Variants in TAAR1 observed in about 807,000 individuals in gnomAD.
TAAR1 encodes trace amine associated receptor 1.
A neutral mutation model predicts 1.2 loss-of-function variants in TAAR1; 1 was observed. That is an observed-to-expected ratio of 0.81 (90% CI 0.29 to 3.86). TAAR1 has a LOEUF of 3.86. Among genes scored for constraint, TAAR1 ranks in the 30% most tolerant of loss-of-function variants. The pLI is 0.18. For synonymous variants in TAAR1, 153 were observed against 132.2 expected, an observed-to-expected ratio of 1.16 and a Z score of -1.08; for missense variants, 445 against 405.6, an observed-to-expected ratio of 1.10 and a Z score of -0.83.
rs566628143 is a variant in TAAR1, at chr6:132,655,649, T to C, written c.-127+3481A>G. On this transcript the variant is annotated intron_variant, in intron 1 of 1. Coordinates refer to ENST00000275216, the MANE Select transcript of TAAR1 (RefSeq NM_138327.4). ...CAGAAGTAAGCCCCCACACCCGATCTGATTTGACTTTTCTAACAGTATCAC... is the reference window on the plus strand; with the variant it reads ...CAGAAGTAAGCCCCCACACCCGATCCGATTTGACTTTTCTAACAGTATCAC... 2.6e-5 allele frequency among the ~76,000 whole-genome samples: 4 copies of C among 152,246 alleles called. No individual in the cohort carries two copies. In the South Asian group the frequency reaches 8.3e-4, roughly 32 times the overall value.
In TAAR1 at chr6:132,645,683, G is replaced by A. The variant is rs1408167439; in HGVS notation, c.321C>T (p.Ser107=). ...KIHTSTDIML[S]SASIFHLSFI... ...AAGACAAATGGAAAATGGAGGCTGA[G>A]CTCAGCATAATGTCGGTGCTTGTGT... Residue 107 remains serine (S), a synonymous_variant, in exon 2 of 2, where the codon AGC becomes AGT. Coordinates refer to ENST00000275216, the MANE Select transcript of TAAR1 (RefSeq NM_138327.4). 1.2e-6 allele frequency: 2 copies of A among 1,613,632 alleles called. No homozygotes were observed. Among genetic ancestry groups the A allele is most frequent in the Non-Finnish European group, 1.7e-6 (2 of 1,179,814 alleles).
chr6:132,646,961 G>A (rs890748512), intron 1 of TAAR1, among the ~76,000 whole-genome samples: 3 of 152,046 alleles, frequency 2.0e-5, no homozygotes, highest in Non-Finnish European at 4.4e-5. Flanking sequence ...AATTTATGAT[G>A]TCTTAAATAA....
intron 1 of TAAR1, among the ~76,000 whole-genome samples, chr6:132,649,657 A>C (rs1473373039): frequency 2.6e-5 from 4 of 152,290 alleles, no homozygotes; most frequent in Admixed American, 2.6e-4. Flanking sequence ...AGCAAGGAGA[A>C]GTGCAGAGTG....
At chr6:132,657,549 A>G (rs1777819412) in intron 1 of TAAR1, among the ~76,000 whole-genome samples, 1 of 152,024 alleles carries the variant, frequency 6.6e-6, no homozygotes, top group South Asian at 2.1e-4. Context: ...ATGTATTCTA[A>G]AATATCATAT....
In TAAR1 at chr6:132,645,337, A is replaced by T. The variant is rs563118626; in HGVS notation, c.667T>A (p.Leu223Ile). 1.2e-6 allele frequency: 2 copies of T among 1,613,486 alleles called. No homozygotes were observed. Among genetic ancestry groups the T allele is most frequent in the Non-Finnish European group, 1.7e-6 (2 of 1,179,758 alleles). Residue 223 changes from leucine to isoleucine, a missense_variant, in exon 2 of 2, where the codon TTA (leucine) becomes ATA (isoleucine). By Grantham distance (5) the Leu-to-Ile change is conservative. Transcript: ENST00000275216. ...IYLIAKEQAR[L>I]ISDANQKLQI... The stretch of plus-strand genomic sequence containing the variant: ...AGCTTCTGATTGGCATCACTAATTA[A>T]TCTTGCCTGTTCTTTAGCGATAAGA...
chr6:132,655,460 G>A (rs924425502), intron 1 of TAAR1, among the ~76,000 whole-genome samples: 9 of 148,892 alleles, frequency 6.0e-5, no homozygotes, highest in African/African-American at 2.2e-4. Context: ...GTTCACTGCA[G>A]CCTCAATCTC....
chr6:132,645,130 A>T lies in TAAR1; in HGVS notation c.874T>A (p.Phe292Ile). Residue 292 changes from phenylalanine (F) to isoleucine (I), a missense_variant, in exon 2 of 2, where the codon TTT (phenylalanine) becomes ATT (isoleucine). By Grantham distance (21) the Phe-to-Ile change is conservative. Coordinates refer to ENST00000275216, the MANE Select transcript of TAAR1 (RefSeq NM_138327.4). ...TTAAATGTAGAGTTCAAGTAGCCAAACCAAATCAATACATCATTCAAAGTA... is the reference window on the plus strand; with the variant it reads ...TTAAATGTAGAGTTCAAGTAGCCAATCCAAATCAATACATCATTCAAAGTA... ...PPTLNDVLIW[F>I]GYLNSTFNPM... 1 of 1,613,282 alleles carries T rather than the reference A, an allele frequency of 6.2e-7. No individual in the cohort carries two copies. The highest frequency in any genetic ancestry group is 8.5e-7 in the Non-Finnish European group (1 of 1,179,622).
At chr6:132,655,062 G>A (rs1356648858) in intron 1 of TAAR1, among the ~76,000 whole-genome samples, 1 of 152,132 alleles carries the variant, frequency 6.6e-6, no homozygotes, top group Non-Finnish European at 1.5e-5. Flanking sequence ...AGCTAACAAT[G>A]AAAGTTCAGA....
At chr6:132,654,836 C>G (rs777762546) in intron 1 of TAAR1, among the ~76,000 whole-genome samples, 1 of 152,072 alleles carries the variant, frequency 6.6e-6, no homozygotes, top group Admixed American at 6.6e-5. Flanking sequence ...ATCGAATTCA[C>G]TTTAAAATAA....
At position 132,651,995 on chromosome 6, in the gene TAAR1, T is replaced by C. The variant is rs567882215; in HGVS notation, c.-126-5866A>G. Among the ~76,000 whole-genome samples the C allele has an allele frequency of 1.6e-4, 25 of 152,338 alleles. 1 individual carries two copies. Among genetic ancestry groups the C allele is most frequent in the Admixed American group, 8.5e-4 (13 of 15,306 alleles). ...TGATGTAATCCTACAGTAGTGTGTG[T>C]ATGTGAGGCTGCATTCTGCCCATCT... On this transcript the variant is annotated intron_variant, in intron 1 of 1. Coordinates refer to ENST00000275216, the MANE Select transcript of TAAR1 (RefSeq NM_138327.4).
intron 1 of TAAR1, among the ~76,000 whole-genome samples, chr6:132,648,543 G>A (rs555596830): frequency 2.0e-5 from 3 of 152,176 alleles, no homozygotes; most frequent in Non-Finnish European, 4.4e-5. Context: ...ACTGGTTTAA[G>A]AGACATCAAG....
In TAAR1 at chr6:132,645,491, T is replaced by C. The variant is rs1017750917; in HGVS notation, c.513A>G (p.Ile171Met). 1.9e-6 allele frequency: 3 copies of C among 1,613,796 alleles called. No homozygotes were observed. Among genetic ancestry groups the C allele is most frequent in the African/African-American group, 1.3e-5 (1 of 75,020 alleles). The part of the protein sequence containing the change: ...LELNFKGAEE[I>M]YYKHVHCRGG... The stretch of plus-strand genomic sequence containing the variant: ...CTCTGCAGTGAACATGTTTGTAATA[T>C]ATCTCTTCAGCGCCTTTGAAGTTTA... Residue 171 changes from isoleucine to methionine, a missense_variant, in exon 2 of 2, where the codon ATA (isoleucine) becomes ATG (methionine). By Grantham distance (10) the Ile-to-Met change is conservative. Coordinates refer to ENST00000275216, the MANE Select transcript of TAAR1 (RefSeq NM_138327.4).
rs1449072730 is a variant in TAAR1 at position 132,646,109 on chromosome 6, G to T, written c.-106C>A. On this transcript the variant is annotated 5_prime_UTR_variant, in exon 2 of 2. An upstream open reading frame in the 5' UTR gains an earlier in-frame stop. Transcript: ENST00000275216. ...TCCTTCTCATGTTTATTTTTTATTT[G>T]CACATACTTATCCCAGAAACCTAGG... The T allele has an allele frequency of 2.4e-6, 3 of 1,265,224 alleles. No individual in the cohort carries two copies. The highest frequency in any genetic ancestry group is 3.3e-6 in the Non-Finnish European group (3 of 921,330). The allele number at this position is 1,265,224 out of a possible 1,614,324, so 78.4% of individuals were successfully genotyped here.
At chr6:132,653,220 A>G (rs1036257141) in intron 1 of TAAR1, among the ~76,000 whole-genome samples, 5 of 152,158 alleles carry the variant, frequency 3.3e-5, no homozygotes, top group African/African-American at 1.2e-4. Context: ...AGTGGCCTGT[A>G]GTTGCAACAG....
chr6:132,648,688 A>C (rs1777714859), intron 1 of TAAR1, among the ~76,000 whole-genome samples: 1 of 152,318 alleles, frequency 6.6e-6, no homozygotes, highest in African/African-American at 2.4e-5. Flanking sequence ...GTTTTTGAAT[A>C]GATTTATTTG....
chr6:132,645,542 A>G lies in TAAR1; in HGVS notation c.462T>C (p.Phe154=), dbSNP rs1358747980. The G allele has an allele frequency of 1.2e-6, 2 of 1,613,602 alleles. No homozygotes were observed. Among genetic ancestry groups the G allele is most frequent in the South Asian group, 1.1e-5 (1 of 91,076 alleles). ...IFISWSVPAV[F]AFGMIFLELN... is the part of the protein sequence containing the mutation. ...GCTCCAGAAAGATCATTCCAAATGC[A>G]AAAACAGCAGGGACACTCCAACTAA... Residue 154 remains phenylalanine (F), a synonymous_variant, in exon 2 of 2, where the codon TTT becomes TTC. Coordinates refer to ENST00000275216, the MANE Select transcript of TAAR1 (RefSeq NM_138327.4).
chr6:132,647,660 GAAAGAAAGAAAGAAAGAA>G (rs1385217004), intron 1 of TAAR1, among the ~76,000 whole-genome samples: 4 of 146,332 alleles, frequency 2.7e-5, no homozygotes, highest in African/African-American at 1.0e-4. Context: ...AAGAAAGAAA[GAAAGAAAGAAAGAAAGAA>G]AGAAGAAAGA....
intron 1 of TAAR1, among the ~76,000 whole-genome samples, chr6:132,651,889 C>T (rs969238926): frequency 6.6e-6 from 1 of 152,154 alleles, no homozygotes; most frequent in Non-Finnish European, 1.5e-5. Context: ...CCTATCAGGC[C>T]AAAGAAACCT....
chr6:132,646,984 G>A (rs1338639322), intron 1 of TAAR1, among the ~76,000 whole-genome samples: 2 of 152,058 alleles, frequency 1.3e-5, no homozygotes, highest in Non-Finnish European at 2.9e-5. Context: ...GCACCTACTA[G>A]TGAAGAATGA....
Sources: gnomAD v4.1 joint callset for allele counts (sites outside exome capture counted in the v4.1 genomes callset) on GRCh38, gnomAD v4.1.1 for gene constraint, MANE v1.5 for transcripts, NCBI Gene and HGNC (gene_info 2026-07-23, HGNC 2026-07-21) for gene names.